Variants in PRLR observed in about 807,000 individuals in gnomAD.
The protein encoded by PRLR is hPRL receptor.
In PRLR, 13 loss-of-function variants were observed where a neutral mutation model predicts 40.2. The observed-to-expected ratio is 0.32, with a 90% CI of 0.21 to 0.51. The LOEUF (loss-of-function observed/expected upper bound fraction) is 0.51, where lower values mean the gene tolerates loss of function less well. PRLR is among the 20% of genes least tolerant of loss of function. PRLR has a pLI of 0.97. For synonymous variants in PRLR, 269 were observed against 278.7 expected (o/e 0.97, Z 0.35); for missense variants, 656 against 747.3 (o/e 0.88, Z 1.42).
chr5:35,129,211 C>T (rs567734337), intron 1 of PRLR, among the ~76,000 whole-genome samples: 3 of 152,230 alleles, frequency 2.0e-5, no homozygotes, highest in Non-Finnish European at 4.4e-5. Flanking sequence ...AACCAGGATG[C>T]CAATTGAGAG....
intron 1 of PRLR, among the ~76,000 whole-genome samples, chr5:35,194,376 T>C (rs1291242575): frequency 6.6e-6 from 1 of 152,214 alleles, no homozygotes; most frequent in Non-Finnish European, 1.5e-5. Flanking sequence ...AGGCCCTGCC[T>C]TACCCCAGGT....
intron 1 of PRLR, among the ~76,000 whole-genome samples, chr5:35,168,386 C>T (rs1215173658): frequency 6.6e-6 from 1 of 151,712 alleles, no homozygotes; most frequent in Non-Finnish European, 1.5e-5. Context: ...ACACTACAGC[C>T]AACAACTGTA....
At chr5:35,195,279 C>T (rs992134900) in intron 1 of PRLR, 1 of 152,320 alleles carries the variant, frequency 6.6e-6, no homozygotes, top group Non-Finnish European at 1.5e-5. Flanking sequence ...GTTATTGAGC[C>T]GCCCTCCTGA....
Position 35,126,530 on chromosome 5 carries a change from G to C in PRLR, c.-105-8408C>G, listed in dbSNP as rs143283436. Among the ~76,000 whole-genome samples, 431 of 151,856 alleles carry C rather than the reference G, an allele frequency of 2.8e-3. 1 individual carries two copies. The highest frequency in any genetic ancestry group is 4.7e-3 in the Non-Finnish European group (319 of 67,952). ...CTTTGTGTTACTGTGTGTGAATATT[G>C]GCCCACCCGATTCATTACATATAGG... On this transcript the variant is annotated intron_variant, in intron 1 of 9. Transcript: ENST00000618457.
chr5:35,118,042 G>A lies in PRLR; in HGVS notation c.-44+19C>T, dbSNP rs1174737485. The A allele has an allele frequency of 9.2e-6, 9 of 981,752 alleles. No homozygotes were observed. The highest frequency in any genetic ancestry group is 1.1e-5 in the Non-Finnish European group (9 of 826,342). 60.8% of individuals were successfully genotyped at this position (981,752 alleles called of 1,614,324 possible). A position where few individuals can be genotyped will look rare whatever the true frequency, so the allele number is the denominator to read the frequency against. On this transcript the variant is annotated intron_variant, in intron 2 of 9. Transcript: ENST00000618457. ...GATGGGTGGTGTGACCGAGGGGCAT[G>A]AGAACAAGTCCCCCTTACCTTCAGG...
intron 2 of PRLR, among the ~76,000 whole-genome samples, chr5:35,094,976 A>G (rs1264732343): frequency 6.6e-6 from 1 of 152,058 alleles, no homozygotes; most frequent in East Asian, 1.9e-4. Flanking sequence ...TAGAGGCACG[A>G]GCCACCAACA....
At chr5:35,209,845 C>T (rs996760934) in intron 1 of PRLR, among the ~76,000 whole-genome samples, 7 of 152,190 alleles carry the variant, frequency 4.6e-5, no homozygotes, top group South Asian at 2.1e-4. Context: ...TTATCAACTG[C>T]CTTAACCTCT....
chr5:35,125,446 G>A (rs1420464933), intron 1 of PRLR, among the ~76,000 whole-genome samples: 1 of 152,156 alleles, frequency 6.6e-6, no homozygotes, highest in African/African-American at 2.4e-5. Context: ...GGGAACTAGT[G>A]ATTAAAAAAT....
chr5:35,178,137 A>G (rs1775197807), intron 1 of PRLR, among the ~76,000 whole-genome samples: 1 of 152,100 alleles, frequency 6.6e-6, no homozygotes, highest in Non-Finnish European at 1.5e-5. Context: ...GTCTGTTCAG[A>G]TCACTTTGCC....
Position 35,070,828 on chromosome 5 carries a change from C to T in PRLR, c.544-563G>A, listed in dbSNP as rs867844762. ...ATTGCACTCCAGCTGAGTGACAAAG[C>T]GAAACTCCGTCTCAAAAAAAAAAAA... On this transcript the variant is annotated intron_variant, in intron 6 of 9. Transcript: ENST00000618457. 7.4e-4 allele frequency among the ~76,000 whole-genome samples: 83 copies of T among 112,630 alleles called. No individual in the cohort carries two copies. In the Middle Eastern group the frequency reaches 0.036, roughly 48 times the overall value. 73.9% of individuals were successfully genotyped at this position (112,630 alleles called of 152,430 possible).
At chr5:35,207,523 A>G (rs1234483961) in intron 1 of PRLR, among the ~76,000 whole-genome samples, 1 of 152,182 alleles carries the variant, frequency 6.6e-6, no homozygotes, top group Non-Finnish European at 1.5e-5. Flanking sequence ...GTGGGAAAAC[A>G]TTCAATGCTT....
chr5:35,167,343 A>G (rs1220280654), intron 1 of PRLR, among the ~76,000 whole-genome samples: 1 of 152,042 alleles, frequency 6.6e-6, no homozygotes, highest in Non-Finnish European at 1.5e-5. Context: ...CATTAAATAA[A>G]TTGTTCTGGG....
At chr5:35,097,081 C>A (rs113357507) in intron 2 of PRLR, among the ~76,000 whole-genome samples, 1 of 152,170 alleles carries the variant, frequency 6.6e-6, no homozygotes, top group Non-Finnish European at 1.5e-5. Flanking sequence ...TATCACCTGA[C>A]ACGTAAATTC....
At chr5:35,222,792 A>G (rs1037647013) in intron 1 of PRLR, among the ~76,000 whole-genome samples, 3 of 152,172 alleles carry the variant, frequency 2.0e-5, no homozygotes, top group African/African-American at 7.2e-5. Context: ...TTCTCATTTC[A>G]CCTTCATCAC....
intron 1 of PRLR, among the ~76,000 whole-genome samples, chr5:35,151,306 T>C (rs1774335418): frequency 6.6e-6 from 1 of 152,172 alleles, no homozygotes; most frequent in Admixed American, 6.5e-5. Flanking sequence ...AGCTGTAAGA[T>C]GGAAGCAGCA....
intron 2 of PRLR, among the ~76,000 whole-genome samples, chr5:35,117,642 C>T (rs1773105483): frequency 6.6e-6 from 1 of 152,078 alleles, no homozygotes; most frequent in African/African-American, 2.4e-5. Context: ...CATTACGGGG[C>T]CCAGAAAGTT....
intron 1 of PRLR, among the ~76,000 whole-genome samples, chr5:35,157,854 C>CT (rs1399479184): frequency 1.3e-5 from 2 of 152,172 alleles, no homozygotes; most frequent in African/African-American, 4.8e-5. Context: ...TTTAAAAATA[C>CT]TTTTTTGTGT....
At chr5:35,091,404 T>C (rs1438534071) in intron 2 of PRLR, among the ~76,000 whole-genome samples, 2 of 152,218 alleles carry the variant, frequency 1.3e-5, no homozygotes, top group East Asian at 3.8e-4. Context: ...TTAAGTACCT[T>C]AATCATGTAA....
chr5:35,152,222 G>A (rs1383589333), intron 1 of PRLR, among the ~76,000 whole-genome samples: 1 of 152,060 alleles, frequency 6.6e-6, no homozygotes, highest in African/African-American at 2.4e-5. Flanking sequence ...ATTCACTGGG[G>A]CATAGCAATT....
Sources: allele counts gnomAD v4.1 joint callset (sites outside exome capture counted in the v4.1 genomes callset), GRCh38; gene constraint gnomAD v4.1.1; transcripts MANE v1.5; gene names NCBI Gene and HGNC (gene_info 2026-07-23, HGNC 2026-07-21).